SHANK1: variants seen among roughly 807,000 people sequenced by gnomAD.
The protein encoded by SHANK1 is SH3 and multiple ankyrin repeat domains 1.
A neutral mutation model predicts 165.6 loss-of-function variants in SHANK1; 35 were observed. That is an observed-to-expected ratio of 0.21 (90% CI 0.16 to 0.28). The LOEUF (loss-of-function observed/expected upper bound fraction) is 0.28. SHANK1 is among the 10% of genes least tolerant of loss of function. The pLI is 1.00. For missense variants in SHANK1, 2,681 were observed against 3,036.4 expected (o/e 0.88, Z 2.75); for synonymous variants, 1,428 against 1,384.8 (o/e 1.03, Z -0.69).
In SHANK1 at chr19:50,718,454, G is replaced by GC. The variant is rs994973432; in HGVS notation, c.-44+951dup. Among the ~76,000 whole-genome samples the GC allele has an allele frequency of 6.6e-6, 1 of 151,620 alleles. No individual in the cohort carries two copies. Among genetic ancestry groups the GC allele is most frequent in the African/African-American group, 2.4e-5 (1 of 41,266 alleles). ...TGGGATGAAAGAAAAGCTGGCTAGG[G>GC]CCCCCCGCGCGTACGGCTGCCCCAG... On this transcript the variant is annotated intron_variant, in intron 1 of 23. Coordinates refer to ENST00000293441, the MANE Select transcript of SHANK1 (RefSeq NM_016148.5). This position sits in a 1 kb window ranked among gnomAD's most constrained non-coding sequence, Gnocchi z 5.1.
chr19:50,669,341 T>G, intron 22 of SHANK1, 56 bp from the exon 23 acceptor site: 1 of 1,190,586 alleles, frequency 8.4e-7, no homozygotes, highest in Non-Finnish European at 1.2e-6. Flanking sequence ...GTCTCCCTGC[T>G]CCACTATCCC....
Position 50,713,150 on chromosome 19 carries a change from T to C in SHANK1, c.792+648A>G, listed in dbSNP as rs1376711064. Reference sequence around the variant, plus strand: ...AGCTGTGCGTCGGGGTGCTTCTCAATGGCTGTCTTTGGGGGCAGCCCATCC... The same window carrying C: ...AGCTGTGCGTCGGGGTGCTTCTCAACGGCTGTCTTTGGGGGCAGCCCATCC... On this transcript the variant is annotated intron_variant, in intron 6 of 23. Coordinates refer to ENST00000293441, the MANE Select transcript of SHANK1 (RefSeq NM_016148.5). The surrounding 1 kb of genome is among the most constrained non-coding windows in gnomAD (Gnocchi z 6.2). Among the ~76,000 whole-genome samples, 1 of 152,134 alleles carries C rather than the reference T, an allele frequency of 6.6e-6. No individual in the cohort carries two copies. Among genetic ancestry groups the C allele is most frequent in the African/African-American group, 2.4e-5 (1 of 41,432 alleles).
chr19:50,660,741 G>T lies in SHANK1; in HGVS notation c.*1224C>A. 1.3e-5 allele frequency among the ~76,000 whole-genome samples: 2 copies of T among 148,472 alleles called. No homozygotes were observed. The highest frequency in any genetic ancestry group is 2.5e-5 in the African/African-American group (1 of 39,778). On this transcript the variant is annotated 3_prime_UTR_variant, in exon 24 of 24. Transcript: ENST00000293441. The stretch of plus-strand genomic sequence containing the variant: ...AAATGCTGGGGGGGGGGGCGCGTGT[G>T]CAAAAGCAAGTGTGCAAGAGGGTTC...
Position 50,668,029 on chromosome 19 carries a change from C to G in SHANK1, c.3931G>C (p.Gly1311Arg). The stretch of plus-strand genomic sequence containing the variant: ...GCTCGGCTACCGGCCCCGTAGCCGC[C>G]GTAGCCCGCGCCGCTGCCCGCAGAC... Reference protein sequence around the residue: ...LESAGSGAGYGGYGAGSRAYG... With the variant: ...LESAGSGAGYRGYGAGSRAYG... The change falls in exon 23 of 24, where the codon GGC becomes CGC. Residue 1311 changes from glycine (G) to arginine (R), a missense_variant. Around this residue, in one of 10 missense-constraint regions of SHANK1, gnomAD observed 1,713 missense variants for 1,630.2 expected, o/e 1.05. Transcript: ENST00000293441. 3.4e-6 allele frequency: 5 copies of G among 1,477,144 alleles called. No homozygotes were observed. Among genetic ancestry groups the G allele is most frequent in the South Asian group, 1.3e-5 (1 of 78,344 alleles). 91.5% of individuals were successfully genotyped at this position (1,477,144 alleles called of 1,614,324 possible). A position where few individuals can be genotyped will look rare whatever the true frequency, so the allele number is the denominator to read the frequency against.
At chr19:50,698,807 T>C (rs917044260) in intron 12 of SHANK1, among the ~76,000 whole-genome samples, 2 of 152,204 alleles carry the variant, frequency 1.3e-5, no homozygotes, top group Admixed American at 1.3e-4. Context: ...CAGTCACTCA[T>C]GTGCGCTACC....
intron 3 of SHANK1, among the ~76,000 whole-genome samples, 198 bp from the exon 4 acceptor site, chr19:50,715,928 T>C (rs1387386709): frequency 6.6e-6 from 1 of 152,066 alleles, no homozygotes; most frequent in African/African-American, 2.4e-5. Context: ...CTGGGTATTA[T>C]GGTATATGTG....
At chr19:50,695,350 C>T (rs1415975201) in intron 15 of SHANK1, among the ~76,000 whole-genome samples, 1 of 143,960 alleles carries the variant, frequency 6.9e-6, no homozygotes, top group Admixed American at 6.9e-5. Context: ...CGGAGGCGGG[C>T]GGCGGGCGCG....
chr19:50,689,561 G>C (rs1055884687), intron 15 of SHANK1, among the ~76,000 whole-genome samples: 53 of 152,082 alleles, frequency 3.5e-4, no homozygotes, highest in Non-Finnish European at 4.4e-5. Flanking sequence ...CGGTGGGGAG[G>C]ATGGGGAGAA....
intron 1 of SHANK1, among the ~76,000 whole-genome samples, chr19:50,719,163 C>T: frequency 8.1e-6 from 1 of 122,758 alleles, no homozygotes; most frequent in South Asian, 2.9e-4. Flanking sequence ...AGGGGCTCTG[C>T]TGGCCGGGGG....
At chr19:50,665,692 T>C (rs1336877669) in intron 23 of SHANK1, among the ~76,000 whole-genome samples, 2 of 142,346 alleles carry the variant, frequency 1.4e-5, no homozygotes, top group Admixed American at 1.5e-4. Context: ...GAGCTATGAT[T>C]ACACCACTGC....
At chr19:50,675,217 AGAGT>A (rs1167416778) in intron 21 of SHANK1, among the ~76,000 whole-genome samples, 1 of 152,198 alleles carries the variant, frequency 6.6e-6, no homozygotes, top group Admixed American at 6.5e-5. Context: ...CCTGGATGAC[AGAGT>A]GAGACTGCGT....
At position 50,690,029 on chromosome 19, in the gene SHANK1, G is replaced by C. The variant is rs1986493324; in HGVS notation, c.1965-750C>G. ...TCAGTCACAGTGGCCATATTTCCAAGTGTGCAGAAGCTGCACATGGCTGGT... is the reference window on the plus strand; with the variant it reads ...TCAGTCACAGTGGCCATATTTCCAACTGTGCAGAAGCTGCACATGGCTGGT... On this transcript the variant is annotated intron_variant, in intron 15 of 23. Coordinates refer to ENST00000293441, the MANE Select transcript of SHANK1 (RefSeq NM_016148.5). The surrounding 1 kb of genome is among the most constrained non-coding windows in gnomAD (Gnocchi z 4.9). Among the ~76,000 whole-genome samples, 1 of 152,182 alleles carries C rather than the reference G, an allele frequency of 6.6e-6. No individual in the cohort carries two copies. Among genetic ancestry groups the C allele is most frequent in the Admixed American group, 6.5e-5 (1 of 15,286 alleles).
At position 50,668,225 on chromosome 19, in the gene SHANK1, GC is replaced by G. The variant is rs2123081770; in HGVS notation, c.3734del (p.Gly1245AlafsTer98). The G allele has an allele frequency of 3.4e-6, 5 of 1,487,256 alleles. No homozygotes were observed. The highest frequency in any genetic ancestry group is 2.4e-5 in the Admixed American group (1 of 41,486). The allele number at this position is 1,487,256 out of a possible 1,614,324, so 92.1% of individuals were successfully genotyped here. A position where few individuals can be genotyped will look rare whatever the true frequency, so the allele number is the denominator to read the frequency against. ...AGCGCCGGCGCGCCTCATTCTGCCA[GC>G]CCCCCTCCCTCCGGGCCGCCCCCAC... ...ALVGAARREG[G>X]WQNEARRRST... is the part of the protein sequence containing the mutation. On this transcript the variant is annotated frameshift_variant, in exon 23 of 24. Coordinates refer to ENST00000293441, the MANE Select transcript of SHANK1 (RefSeq NM_016148.5). LOFTEE classifies it high-confidence loss of function.
intron 23 of SHANK1, among the ~76,000 whole-genome samples, chr19:50,664,848 G>A (rs989292758): frequency 3.9e-5 from 6 of 152,102 alleles, no homozygotes; most frequent in African/African-American, 9.7e-5. Flanking sequence ...TCGGCCTCCC[G>A]GGTTCAAGTT....
intron 21 of SHANK1, among the ~76,000 whole-genome samples, chr19:50,675,493 T>C (rs924839824): frequency 2.6e-5 from 4 of 152,202 alleles, no homozygotes; most frequent in Non-Finnish European, 5.9e-5. Flanking sequence ...GGACTGTCTG[T>C]TTCTATGTTT....
Position 50,688,449 on chromosome 19 carries a change from G to A in SHANK1, c.2173-391C>T, listed in dbSNP as rs1047595214. On this transcript the variant is annotated intron_variant, in intron 17 of 23. Transcript: ENST00000293441. The surrounding 1 kb of genome is among the most constrained non-coding windows in gnomAD (Gnocchi z 6.7). The stretch of plus-strand genomic sequence containing the variant: ...TTCTCCCACCTCAGCCTCCAGAATA[G>A]CTGGGACCTCAGGCACACAGCACCG... Among the ~76,000 whole-genome samples, 2 of 152,140 alleles carry A rather than the reference G, an allele frequency of 1.3e-5. No individual in the cohort carries two copies. Among genetic ancestry groups the A allele is most frequent in the African/African-American group, 4.8e-5 (2 of 41,418 alleles).
At chr19:50,715,006 A>C (rs1369686001) in intron 4 of SHANK1, among the ~76,000 whole-genome samples, 1 of 152,040 alleles carries the variant, frequency 6.6e-6, no homozygotes, top group African/African-American at 2.4e-5. Flanking sequence ...TAGGGGAGGA[A>C]AGAGTTCAAT....
intron 23 of SHANK1, among the ~76,000 whole-genome samples, chr19:50,665,903 T>TGCCTGTAATCCCA (rs1985480763): frequency 8.8e-6 from 1 of 113,814 alleles, no homozygotes; most frequent in Non-Finnish European, 1.8e-5. Flanking sequence ...TGTGGTGGCA[T>TGCCTGTAATCCCA]GGGAGGCTGA....
Position 50,686,612 on chromosome 19 carries a change from A to C in SHANK1, c.2458+132T>G. ...CCGTCGGGAGAGGGCGGGCGGAGGG[A>C]GGGGAGGTGGGATCGCAGCCTCTCT... On this transcript the variant is annotated intron_variant, in intron 20 of 23. Transcript: ENST00000293441. This position sits in a 1 kb window ranked among gnomAD's most constrained non-coding sequence, Gnocchi z 5.7. The C allele has an allele frequency of 1.4e-6, 1 of 718,638 alleles. No individual in the cohort carries two copies. Among genetic ancestry groups the C allele is most frequent in the Non-Finnish European group, 2.2e-6 (1 of 452,568 alleles). The allele number at this position is 718,638 out of a possible 1,614,324, so 44.5% of individuals were successfully genotyped here. A position where few individuals can be genotyped will look rare whatever the true frequency, so the allele number is the denominator to read the frequency against.
Sources: gnomAD v4.1 joint callset for allele counts (sites outside exome capture counted in the v4.1 genomes callset) on GRCh38, gnomAD v4.1.1 for gene constraint, gnomAD v4.1.1 regional missense constraint, Gnocchi (gnomAD v3.1) non-coding constraint, MANE v1.5 for transcripts, NCBI Gene and HGNC (gene_info 2026-07-23, HGNC 2026-07-21) for gene names.